The following GALNTL6 variants were observed in gnomAD, a reference collection of about 807,000 sequenced individuals.
GALNTL6 encodes the protein polypeptide N-acetylgalactosaminyltransferase like 6.
GALNTL6 carries 46 observed loss-of-function variants against 73.7 expected under a neutral mutation model. The observed-to-expected ratio is 0.62, with a 90% CI of 0.49 to 0.80. The LOEUF (loss-of-function observed/expected upper bound fraction) is 0.80. Ranked by LOEUF, GALNTL6 falls within the 30% of genes least tolerant of loss-of-function variation. The pLI is 0.00. For synonymous variants in GALNTL6, 259 were observed against 263.7 expected (o/e 0.98, Z 0.17); for missense variants, 604 against 755.0 (o/e 0.80, Z 2.34).
chr4:172,813,487 A>T, intron 6 of GALNTL6, 53 bp from the exon 7 acceptor site: 1 of 1,472,738 alleles, frequency 6.8e-7, no homozygotes, highest in Non-Finnish European at 9.4e-7. Flanking sequence ...CTGAAAAATG[A>T]TAGATGACCT....
rs576243465 is a variant in GALNTL6, at chr4:172,931,374, G to C, written c.1149+106G>C. On this transcript the variant is annotated intron_variant, in intron 9 of 12. Coordinates refer to ENST00000506823, the MANE Select transcript of GALNTL6 (RefSeq NM_001034845.3). ...TCTGAGAAAAGCTCTCCAGTGTACA[G>C]AGAGCTCCTGTGCTTCTCAGAGTCT... 12 of 733,192 alleles carry C rather than the reference G, an allele frequency of 1.6e-5. No homozygotes were observed. In the South Asian group the frequency reaches 1.8e-4, roughly 11 times the overall value. 45.4% of individuals were successfully genotyped at this position (733,192 alleles called of 1,614,324 possible). A position where few individuals can be genotyped will look rare whatever the true frequency, so the allele number is the denominator to read the frequency against.
At position 171,835,641 on chromosome 4, in the gene GALNTL6, CTAAT is replaced by C. The variant is rs574998830; in HGVS notation, c.138+20926_138+20929del. On this transcript the variant is annotated intron_variant, in intron 2 of 12. Transcript: ENST00000506823. ...TAATTTTTAAAGCAATTGACAGTCT[CTAAT>C]TATTCAAATCTAGAGAAAAGTGAAA... 3.3e-5 allele frequency among the ~76,000 whole-genome samples: 5 copies of C among 151,902 alleles called. No homozygotes were observed. The East Asian group carries it at 9.7e-4, about 29-fold the overall frequency.
At chr4:172,473,150 T>C (rs1733113533) in intron 5 of GALNTL6, among the ~76,000 whole-genome samples, 1 of 152,200 alleles carries the variant, frequency 6.6e-6, no homozygotes, top group African/African-American at 2.4e-5. Context: ...AAATAAACTA[T>C]GTGTGCTACC....
chr4:172,850,126 A>G (rs1419168740), intron 7 of GALNTL6, among the ~76,000 whole-genome samples: 2 of 152,208 alleles, frequency 1.3e-5, no homozygotes, highest in Non-Finnish European at 2.9e-5. Context: ...GCAGCTGTCT[A>G]CAGGACAGAG....
In GALNTL6 at chr4:172,958,802, A is replaced by G. The variant is rs910732292; in HGVS notation, c.1371+6544A>G. Among the ~76,000 whole-genome samples, 3 of 152,194 alleles carry G rather than the reference A, an allele frequency of 2.0e-5. No individual in the cohort carries two copies. The East Asian group carries it at 5.8e-4, about 29-fold the overall frequency. On this transcript the variant is annotated intron_variant, in intron 10 of 12. Transcript: ENST00000506823. ...GTCAGGGTCAGTCTAAGTGAAAGCG[A>G]AGAGAGGCTGGGGTGAAGGGTACAA...
At chr4:172,686,529 AT>A (rs1398148593) in intron 5 of GALNTL6, among the ~76,000 whole-genome samples, 1 of 152,222 alleles carries the variant, frequency 6.6e-6, no homozygotes, top group Non-Finnish European at 1.5e-5. Flanking sequence ...TACTTATATG[AT>A]TCTATTCATA....
At chr4:173,027,204 G>A (rs992201107) in intron 12 of GALNTL6, among the ~76,000 whole-genome samples, 61 of 152,058 alleles carry the variant, frequency 4.0e-4, no homozygotes, top group African/African-American at 1.4e-3. Flanking sequence ...GGCTGGTCTC[G>A]AACTCCTGAC....
chr4:171,999,704 TA>T (rs1740612016), intron 2 of GALNTL6, among the ~76,000 whole-genome samples: 1 of 152,146 alleles, frequency 6.6e-6, no homozygotes, highest in South Asian at 2.1e-4. Context: ...ATTTTCACTT[TA>T]CAGGTTCTTA....
chr4:172,736,216 AGGT>A (rs1736450217), intron 5 of GALNTL6, among the ~76,000 whole-genome samples: 1 of 152,174 alleles, frequency 6.6e-6, no homozygotes, highest in African/African-American at 2.4e-5. Context: ...GGGGCGCTGC[AGGT>A]GACCAGCGTG....
intron 2 of GALNTL6, among the ~76,000 whole-genome samples, chr4:172,226,049 T>A (rs971800779): frequency 2.6e-5 from 4 of 152,172 alleles, no homozygotes; most frequent in Non-Finnish European, 5.9e-5. Flanking sequence ...ATTTTTTACA[T>A]AAAATAATAC....
intron 2 of GALNTL6, among the ~76,000 whole-genome samples, chr4:172,218,913 TAATA>T (rs1160901222): frequency 2.6e-5 from 4 of 151,762 alleles, no homozygotes; most frequent in African/African-American, 7.2e-5. Flanking sequence ...TGTTAAGTAA[TAATA>T]AATAAGTAAA....
At chr4:172,781,234 A>G (rs1194062641) in intron 5 of GALNTL6, among the ~76,000 whole-genome samples, 1 of 152,182 alleles carries the variant, frequency 6.6e-6, no homozygotes, top group Non-Finnish European at 1.5e-5. Context: ...CTGTTAGTCA[A>G]TCATTAAATG....
chr4:172,959,837 G>A (rs1749949102), intron 10 of GALNTL6, among the ~76,000 whole-genome samples: 1 of 152,236 alleles, frequency 6.6e-6, no homozygotes, highest in African/African-American at 2.4e-5. Context: ...CTTGTAGCAA[G>A]CTCCTGGAGG....
intron 2 of GALNTL6, among the ~76,000 whole-genome samples, chr4:172,171,311 A>T (rs1285142860): frequency 2.0e-5 from 3 of 152,190 alleles, no homozygotes; most frequent in African/African-American, 7.2e-5. Flanking sequence ...AATATACATT[A>T]TATAAAATGG....
intron 5 of GALNTL6, among the ~76,000 whole-genome samples, chr4:172,539,566 G>A (rs1046675406): frequency 1.3e-5 from 2 of 151,966 alleles, no homozygotes; most frequent in Non-Finnish European, 2.9e-5. Context: ...ATGCATAGCT[G>A]GGGAGAACTG....
chr4:172,877,891 G>GAC (rs992961852), intron 7 of GALNTL6, among the ~76,000 whole-genome samples: 3 of 151,912 alleles, frequency 2.0e-5, no homozygotes, highest in Non-Finnish European at 4.4e-5. Flanking sequence ...AAGTTACATG[G>GAC]ACACAGAGCC....
intron 5 of GALNTL6, among the ~76,000 whole-genome samples, chr4:172,465,302 C>T (rs1182314558): frequency 6.6e-6 from 1 of 151,896 alleles, no homozygotes; most frequent in South Asian, 2.1e-4. Flanking sequence ...ACGGTGAAAC[C>T]CCATCTCTAC....
At chr4:172,910,209 C>T (rs991331715) in intron 8 of GALNTL6, among the ~76,000 whole-genome samples, 1 of 151,922 alleles carries the variant, frequency 6.6e-6, no homozygotes. Flanking sequence ...TTGTCGAAAG[C>T]CTATTATGTG....
At chr4:172,550,591 ATTTAT>A (rs753185878) in intron 5 of GALNTL6, among the ~76,000 whole-genome samples, 65 of 152,234 alleles carry the variant, frequency 4.3e-4, no homozygotes, top group African/African-American at 1.3e-3. Context: ...GCAATTTAAA[ATTTAT>A]TTTATTTTAT....
Sources: gnomAD v4.1 joint callset for allele counts (sites outside exome capture counted in the v4.1 genomes callset) on GRCh38, gnomAD v4.1.1 for gene constraint, MANE v1.5 for transcripts, NCBI Gene and HGNC (gene_info 2026-07-23, HGNC 2026-07-21) for gene names.